The following MAU2 variants were observed in gnomAD, a reference collection of about 807,000 sequenced individuals.
MAU2 encodes MAU2 chromatid cohesion factor homolog.
A neutral mutation model predicts 89.1 loss-of-function variants in MAU2; 9 were observed. That is an observed-to-expected ratio of 0.10 (90% CI 0.06 to 0.18). The LOEUF is 0.18. Among genes scored for constraint, MAU2 ranks in the 10% least tolerant of loss-of-function variants. MAU2 has a pLI of 1.00. For synonymous variants in MAU2, 357 were observed against 343.4 expected (o/e 1.04, Z -0.44); for missense variants, 425 against 803.5 (o/e 0.53, Z 5.69).
intron 3 of MAU2, among the ~76,000 whole-genome samples, chr19:19,336,588 A>T (rs1568656128): frequency 6.6e-6 from 1 of 152,020 alleles, no homozygotes; most frequent in Non-Finnish European, 1.5e-5. Flanking sequence ...GGCTTTTAAC[A>T]CTCAGATTAC....
intron 1 of MAU2, among the ~76,000 whole-genome samples, chr19:19,331,404 AG>A (rs1330229150): frequency 2.0e-5 from 3 of 151,812 alleles, no homozygotes; most frequent in Middle Eastern, 3.2e-3. Context: ...CAGGAGGCTG[AG>A]GCAGGAGAAT....
intron 1 of MAU2, among the ~76,000 whole-genome samples, chr19:19,331,181 G>A (rs1384986891): frequency 6.6e-6 from 1 of 151,444 alleles, no homozygotes; most frequent in Admixed American, 6.6e-5. Context: ...AAACATAAAA[G>A]CTACTTTTTA....
intron 12 of MAU2, among the ~76,000 whole-genome samples, chr19:19,346,227 T>C (rs2905420): frequency 1 from 151,669 of 152,206 alleles, 75,567 homozygotes; most frequent in Middle Eastern, 1. Context: ...CCCACTCCTC[T>C]GCCTCCTCAC....
chr19:19,330,036 G>A lies in MAU2; in HGVS notation c.277-5682G>A, dbSNP rs2061543552. On this transcript the variant is annotated intron_variant, in intron 1 of 18. Coordinates refer to ENST00000262815, the MANE Select transcript of MAU2 (RefSeq NM_015329.4). Reference sequence around the variant, plus strand: ...ACTCTGTCACCCAGGCTGGAGTGCAGTGGCGCAATCTTAGCTCCCTGCCAC... The same window carrying A: ...ACTCTGTCACCCAGGCTGGAGTGCAATGGCGCAATCTTAGCTCCCTGCCAC... Among the ~76,000 whole-genome samples the A allele has an allele frequency of 1.3e-5, 2 of 151,536 alleles. 1 individual carries two copies. The highest frequency in any genetic ancestry group is 4.2e-4 in the South Asian group (2 of 4,816).
Position 19,331,501 on chromosome 19 carries a change from C to CAA in MAU2, c.277-4205_277-4204dup, listed in dbSNP as rs34924518. Among the ~76,000 whole-genome samples, 168 of 144,910 alleles carry CAA rather than the reference C, an allele frequency of 1.2e-3. 5 individuals carry two copies. The South Asian group carries it at 0.019, about 17-fold the overall frequency. On this transcript the variant is annotated intron_variant, in intron 1 of 18. Transcript: ENST00000262815. Reference sequence around the variant, plus strand: ...TGGGCGACAGAGTGCAACTCCGTCTCAAAAAAAAAAAAATCACGTAGATGA... The same window carrying CAA: ...TGGGCGACAGAGTGCAACTCCGTCTCAAAAAAAAAAAAAAATCACGTAGATGA...
intron 2 of MAU2, 47 bp from the exon 3 acceptor site, chr19:19,336,075 C>A: frequency 6.9e-7 from 1 of 1,449,406 alleles, no homozygotes. Flanking sequence ...CCCTTTCAAA[C>A]CGACCTTTTT....
intron 16 of MAU2, 85 bp downstream of exon 16, chr19:19,349,521 C>A: frequency 8.5e-7 from 1 of 1,175,150 alleles, no homozygotes; most frequent in Non-Finnish European, 1.3e-6. Flanking sequence ...CTAAGGGTGG[C>A]ATGGCACTGT....
intron 12 of MAU2, chr19:19,347,070 A>G: frequency 1.8e-6 from 1 of 543,858 alleles, no homozygotes; most frequent in South Asian, 2.3e-5. Flanking sequence ...TGTGTTCTCT[A>G]ACTGCCCCGT....
intron 13 of MAU2, chr19:19,348,578 A>G: frequency 1.9e-6 from 1 of 532,908 alleles, no homozygotes; most frequent in Non-Finnish European, 3.4e-6. Context: ...CACGGGCCCC[A>G]GCCTGCCAAC....
rs2061635450 is a variant in MAU2 at position 19,340,531 on chromosome 19, C to T, written c.552-315C>T. On this transcript the variant is annotated intron_variant, in intron 5 of 18. Coordinates refer to ENST00000262815, the MANE Select transcript of MAU2 (RefSeq NM_015329.4). The stretch of plus-strand genomic sequence containing the variant: ...GCGGGCGCCTGTAGTCCCAGCTACT[C>T]AGGAGGCTGAGGCAGGAGAATGGCG... 7.2e-5 allele frequency among the ~76,000 whole-genome samples: 11 copies of T among 151,848 alleles called. No homozygotes were observed. The South Asian group carries it at 2.1e-3, about 29-fold the overall frequency.
At chr19:19,343,460 G>A (rs2061669386) in intron 9 of MAU2, among the ~76,000 whole-genome samples, 2 of 152,140 alleles carry the variant, frequency 1.3e-5, no homozygotes. Context: ...TGGGAGGTGG[G>A]GCCCAGCCCA....
At chr19:19,349,300 T>G (rs1477609908) in intron 15 of MAU2, 25 bp from the exon 16 acceptor site, 3 of 1,613,902 alleles carry the variant, frequency 1.9e-6, no homozygotes, top group Non-Finnish European at 2.5e-6. Flanking sequence ...CCTGCAGTTA[T>G]CAGCGTCCAT....
intron 1 of MAU2, among the ~76,000 whole-genome samples, chr19:19,322,524 C>T (rs941561785): frequency 2.0e-5 from 3 of 152,150 alleles, no homozygotes; most frequent in African/African-American, 2.4e-5. Flanking sequence ...AGCTAAGCCC[C>T]GGGAGGTCGT....
intron 4 of MAU2, among the ~76,000 whole-genome samples, chr19:19,338,471 G>A (rs369391978): frequency 4.2e-4 from 64 of 152,320 alleles, no homozygotes; most frequent in African/African-American, 1.5e-3. Flanking sequence ...CTCCTTGTCG[G>A]CCCTGGAACA....
At chr19:19,352,581 G>A (rs1178245434) in intron 16 of MAU2, 7 of 152,258 alleles carry the variant, frequency 4.6e-5, no homozygotes, top group African/African-American at 1.7e-4. Context: ...CAGTGCAAGT[G>A]GCCTGGGGGT....
chr19:19,331,228 G>A (rs1247639410), intron 1 of MAU2, among the ~76,000 whole-genome samples: 3 of 151,794 alleles, frequency 2.0e-5, no homozygotes, highest in Admixed American at 1.3e-4. Flanking sequence ...ACCCGGGCAC[G>A]GTGGCTCACA....
chr19:19,339,340 G>A lies in MAU2; in HGVS notation c.551+401G>A, dbSNP rs1430254209. 3.9e-5 allele frequency among the ~76,000 whole-genome samples: 6 copies of A among 152,130 alleles called. No individual in the cohort carries two copies. The South Asian group carries it at 8.3e-4, about 21-fold the overall frequency. On this transcript the variant is annotated intron_variant, in intron 5 of 18. Coordinates refer to ENST00000262815, the MANE Select transcript of MAU2 (RefSeq NM_015329.4). The stretch of plus-strand genomic sequence containing the variant: ...TGGGTACCTGTAATCCCAGGTACTC[G>A]GGAGGCTGAGGCAGGAGACTAGCTT...
At chr19:19,349,054 G>A in intron 14 of MAU2, 101 bp from the exon 15 acceptor site, 2 of 1,554,220 alleles carry the variant, frequency 1.3e-6, no homozygotes, top group Admixed American at 1.7e-5. Flanking sequence ...CAGACAGTCT[G>A]CAGTGGGGGC....
At chr19:19,325,802 A>T (rs114530569) in intron 1 of MAU2, among the ~76,000 whole-genome samples, 1,526 of 152,208 alleles carry the variant, frequency 0.01, 32 homozygotes, top group African/African-American at 0.034. Context: ...TCACTGAACT[A>T]ATTTTCTCTA....
Sources: allele counts gnomAD v4.1 joint callset (sites outside exome capture counted in the v4.1 genomes callset), GRCh38; gene constraint gnomAD v4.1.1; transcripts MANE v1.5; gene names NCBI Gene and HGNC (gene_info 2026-07-23, HGNC 2026-07-21).